TSPAN18: variants seen among roughly 807,000 people sequenced by gnomAD.
TSPAN18 encodes tetraspanin 18.
Under a neutral mutation model 27.3 loss-of-function variants are expected in TSPAN18, and 14 were observed. That is an observed-to-expected ratio of 0.51 (90% CI 0.34 to 0.80). The LOEUF is 0.80. Among genes scored for constraint, TSPAN18 ranks in the 30% least tolerant of loss-of-function variants. The pLI is 0.01. For missense variants in TSPAN18, 268 were observed against 323.9 expected, an observed-to-expected ratio of 0.83 and a Z score of 1.32; for synonymous variants, 143 against 136.5, an observed-to-expected ratio of 1.05 and a Z score of -0.33.
rs1175890881 is a variant in TSPAN18 at position 44,903,755 on chromosome 11, G to A, written c.-10-2652G>A. On this transcript the variant is annotated intron_variant, in intron 3 of 9. Coordinates refer to ENST00000520358, the MANE Select transcript of TSPAN18 (RefSeq NM_130783.5). ...TGCTCACTGAAGTAAAGACAAATCC[G>A]CCCCCCACCCCATCACACACACACC... is the stretch of plus-strand genomic sequence containing the variant. 23 of 455,602 alleles carry A rather than the reference G, an allele frequency of 5.0e-5. 1 individual carries two copies. Among genetic ancestry groups the A allele is most frequent in the African/African-American group, 2.4e-4 (12 of 49,924 alleles). The allele number at this position is 455,602 out of a possible 1,614,324, so 28.2% of individuals were successfully genotyped here. A position where few individuals can be genotyped will look rare whatever the true frequency, so the allele number is the denominator to read the frequency against.
chr11:44,793,067 TCCTAGG>T (rs1201584803), intron 2 of TSPAN18, among the ~76,000 whole-genome samples: 1 of 152,086 alleles, frequency 6.6e-6, no homozygotes, highest in Admixed American at 6.5e-5. Flanking sequence ...AAGGGTGAGA[TCCTAGG>T]CCAAGCCCTG....
At chr11:44,833,203 G>A (rs1857190621) in intron 2 of TSPAN18, among the ~76,000 whole-genome samples, 1 of 151,986 alleles carries the variant, frequency 6.6e-6, no homozygotes, top group East Asian at 1.9e-4. Context: ...ACGTGAACCT[G>A]GGTTCAAATG....
chr11:44,879,636 G>A (rs1276024041), intron 3 of TSPAN18, among the ~76,000 whole-genome samples: 1 of 152,268 alleles, frequency 6.6e-6, no homozygotes, highest in Admixed American at 6.5e-5. Flanking sequence ...AGCAGCTGGA[G>A]CTGGCTGGAA....
intron 1 of TSPAN18, among the ~76,000 whole-genome samples, chr11:44,728,741 C>G (rs948264100): frequency 6.6e-6 from 1 of 152,182 alleles, no homozygotes; most frequent in African/African-American, 2.4e-5. Context: ...GTCTGTGTGT[C>G]TGTGCCTTGG....
intron 2 of TSPAN18, among the ~76,000 whole-genome samples, chr11:44,810,334 C>G (rs182392052): frequency 6.6e-6 from 1 of 152,276 alleles, no homozygotes; most frequent in East Asian, 1.9e-4. Context: ...CCTCTTCCTT[C>G]TCTATGGATT....
chr11:44,732,353 C>T (rs927149420), intron 1 of TSPAN18, among the ~76,000 whole-genome samples: 1 of 152,186 alleles, frequency 6.6e-6, no homozygotes, highest in African/African-American at 2.4e-5. Flanking sequence ...GGATACTGCC[C>T]CCATTCTGTA....
At chr11:44,735,793 AT>A (rs1243235356) in intron 1 of TSPAN18, among the ~76,000 whole-genome samples, 3 of 151,792 alleles carry the variant, frequency 2.0e-5, no homozygotes, top group East Asian at 1.9e-4. Context: ...ATTTTTTTGT[AT>A]TTTTTAGTAG....
chr11:44,737,768 C>T (rs1416339027), intron 1 of TSPAN18, among the ~76,000 whole-genome samples: 2 of 152,130 alleles, frequency 1.3e-5, no homozygotes, highest in Non-Finnish European at 2.9e-5. Context: ...TGCAGCCCAT[C>T]TGCCGCTTGT....
chr11:44,836,263 AAC>A (rs1247354718), intron 2 of TSPAN18, among the ~76,000 whole-genome samples: 2 of 152,240 alleles, frequency 1.3e-5, no homozygotes, highest in Non-Finnish European at 2.9e-5. Context: ...TACTCCAGTG[AAC>A]ACACAGATGC....
At chr11:44,728,247 T>A (rs1854566521) in intron 1 of TSPAN18, among the ~76,000 whole-genome samples, 2 of 152,296 alleles carry the variant, frequency 1.3e-5, no homozygotes, top group South Asian at 4.1e-4. Flanking sequence ...ATGTGATTTT[T>A]CTCGGGAAGG....
chr11:44,864,427 T>C (rs2135222652), intron 3 of TSPAN18, among the ~76,000 whole-genome samples: 1 of 152,286 alleles, frequency 6.6e-6, no homozygotes, highest in South Asian at 2.1e-4. Context: ...GCACTTACTG[T>C]GTGCCTGGGC....
intron 1 of TSPAN18, among the ~76,000 whole-genome samples, chr11:44,735,783 A>AT (rs1462558466): frequency 6.6e-6 from 1 of 151,910 alleles, no homozygotes; most frequent in Non-Finnish European, 1.5e-5. Context: ...CGCCTGGCTA[A>AT]TTTTTTTGTA....
At chr11:44,790,688 T>A (rs1856198534) in intron 2 of TSPAN18, among the ~76,000 whole-genome samples, 1 of 152,166 alleles carries the variant, frequency 6.6e-6, no homozygotes, top group Non-Finnish European at 1.5e-5. Context: ...GATGTTTAAG[T>A]AAACCTGGAA....
chr11:44,804,820 A>G (rs1319416628), intron 2 of TSPAN18, among the ~76,000 whole-genome samples: 1 of 151,960 alleles, frequency 6.6e-6, no homozygotes, highest in Non-Finnish European at 1.5e-5. Context: ...GTGGGGAGAG[A>G]AGAAGAAGGA....
intron 2 of TSPAN18, among the ~76,000 whole-genome samples, chr11:44,799,432 CT>C (rs1280569998): frequency 2.0e-5 from 3 of 152,164 alleles, no homozygotes; most frequent in Non-Finnish European, 4.4e-5. Flanking sequence ...CAAGTTCATT[CT>C]TCACTCAGCT....
intron 1 of TSPAN18, among the ~76,000 whole-genome samples, chr11:44,753,822 C>T (rs1417189583): frequency 6.6e-6 from 1 of 152,212 alleles, no homozygotes; most frequent in African/African-American, 2.4e-5. Flanking sequence ...TGAGTCAAAG[C>T]AGCTCCCACC....
chr11:44,747,413 C>A (rs576431600), intron 1 of TSPAN18, among the ~76,000 whole-genome samples: 34 of 152,310 alleles, frequency 2.2e-4, no homozygotes, highest in Non-Finnish European at 2.6e-4. Flanking sequence ...GTAGGCTTAT[C>A]TGGAAAATGG....
intron 2 of TSPAN18, among the ~76,000 whole-genome samples, chr11:44,828,625 CT>C (rs1857093681): frequency 6.6e-6 from 1 of 152,180 alleles, no homozygotes; most frequent in Non-Finnish European, 1.5e-5. Flanking sequence ...AGCTAGACCT[CT>C]TTCCTACACT....
intron 1 of TSPAN18, among the ~76,000 whole-genome samples, chr11:44,732,009 A>T (rs1266664672): frequency 6.6e-6 from 1 of 152,248 alleles, no homozygotes; most frequent in Non-Finnish European, 1.5e-5. Flanking sequence ...CGACTTTAAG[A>T]TAAATAATCT....
Sources: gnomAD v4.1 joint callset for allele counts (sites outside exome capture counted in the v4.1 genomes callset) on GRCh38, gnomAD v4.1.1 for gene constraint, MANE v1.5 for transcripts, NCBI Gene and HGNC (gene_info 2026-07-23, HGNC 2026-07-21) for gene names.